The following ACOXL variants were observed in gnomAD, a reference collection of about 807,000 sequenced individuals.
ACOXL encodes acyl-coenzyme A oxidase-like protein.
Under a neutral mutation model 71.9 loss-of-function variants are expected in ACOXL, and 70 were observed. The ratio of observed to expected loss-of-function variants is 0.97; its 90% confidence interval spans 0.80 to 1.19. The LOEUF is 1.19. ACOXL is among the 50% of genes most tolerant of loss of function. The pLI, the probability that ACOXL is intolerant of heterozygous loss-of-function variation, is 0.00. For synonymous variants in ACOXL, 253 were observed against 281.6 expected, an observed-to-expected ratio of 0.90 and a Z score of 1.02; for missense variants, 703 against 736.3, an observed-to-expected ratio of 0.95 and a Z score of 0.52.
In ACOXL at chr2:110,952,205, A is replaced by G. The variant is rs1375402453; in HGVS notation, c.1059+18563A>G. Reference sequence around the variant, plus strand: ...TTTCTGTTCTTGAGTCTGTTTTGCTAATTTTTATTTTCCTAGTAATTTGTT... The same window carrying G: ...TTTCTGTTCTTGAGTCTGTTTTGCTGATTTTTATTTTCCTAGTAATTTGTT... On this transcript the variant is annotated intron_variant, in intron 12 of 17. Coordinates refer to ENST00000439055, the MANE Select transcript of ACOXL (RefSeq NM_001142807.4). Among the ~76,000 whole-genome samples, 4 of 152,058 alleles carry G rather than the reference A, an allele frequency of 2.6e-5. No homozygotes were observed. The East Asian group carries it at 7.7e-4, about 29-fold the overall frequency.
chr2:110,989,280 C>T (rs1051883836), intron 13 of ACOXL, among the ~76,000 whole-genome samples: 9 of 152,126 alleles, frequency 5.9e-5, no homozygotes, highest in African/African-American at 2.2e-4. Context: ...GTCTCTTTGA[C>T]ATTTATTAAA....
At chr2:110,761,153 G>C (rs1680355326) in intron 1 of ACOXL, among the ~76,000 whole-genome samples, 1 of 152,170 alleles carries the variant, frequency 6.6e-6, no homozygotes, top group African/African-American at 2.4e-5. Flanking sequence ...TGTGGTTGTT[G>C]CTTTCAAAGA....
intron 2 of ACOXL, among the ~76,000 whole-genome samples, chr2:110,776,289 T>C (rs934005725): frequency 2.0e-5 from 3 of 152,136 alleles, no homozygotes; most frequent in Non-Finnish European, 2.9e-5. Flanking sequence ...AGTTAGTGTT[T>C]AATGGGTGTA....
chr2:110,961,829 G>A (rs183789398), intron 12 of ACOXL, among the ~76,000 whole-genome samples: 139 of 152,284 alleles, frequency 9.1e-4, no homozygotes, highest in African/African-American at 3.2e-3. Flanking sequence ...AAGAGGGCAC[G>A]TGCAGGGGAA....
chr2:110,882,005 T>C (rs1696711348), intron 10 of ACOXL, among the ~76,000 whole-genome samples: 1 of 152,176 alleles, frequency 6.6e-6, no homozygotes, highest in African/African-American at 2.4e-5. Flanking sequence ...ATAGAATGGT[T>C]AGATCATGTA....
At position 110,841,723 on chromosome 2, in the gene ACOXL, C is replaced by T. The variant is rs1306961941; in HGVS notation, c.788+318C>T. On this transcript the variant is annotated intron_variant, in intron 10 of 17. Coordinates refer to ENST00000439055, the MANE Select transcript of ACOXL (RefSeq NM_001142807.4). ...AAAGAGTGCCTGAAAACGGGGATGC[C>T]CTGCATGAGAGGTGAGTCCCAGCAG... is the stretch of plus-strand genomic sequence containing the variant. Among the ~76,000 whole-genome samples the T allele has an allele frequency of 3.3e-5, 5 of 152,086 alleles. No homozygotes were observed. In the East Asian group the frequency reaches 7.7e-4, roughly 23 times the overall value.
At chr2:110,921,645 G>A (rs2060083308) in intron 11 of ACOXL, among the ~76,000 whole-genome samples, 1 of 151,640 alleles carries the variant, frequency 6.6e-6, no homozygotes, top group Non-Finnish European at 1.5e-5. Flanking sequence ...TGCCCGCCTT[G>A]GCCTCCCAAA....
intron 14 of ACOXL, among the ~76,000 whole-genome samples, chr2:111,000,127 A>G (rs1238969063): frequency 6.6e-6 from 1 of 152,196 alleles, no homozygotes; most frequent in Non-Finnish European, 1.5e-5. Flanking sequence ...CCTTGACGAA[A>G]TTATTACCAG....
intron 9 of ACOXL, among the ~76,000 whole-genome samples, chr2:110,812,969 C>T (rs1687521456): frequency 6.6e-6 from 1 of 152,150 alleles, no homozygotes; most frequent in African/African-American, 2.4e-5. Context: ...GAGTAACATG[C>T]CATACAGAGA....
chr2:110,817,719 T>A (rs1688079253), intron 9 of ACOXL, among the ~76,000 whole-genome samples: 1 of 152,170 alleles, frequency 6.6e-6, no homozygotes, highest in East Asian at 1.9e-4. Flanking sequence ...GCCTGATGAG[T>A]TGTGTTTTTC....
Position 110,903,261 on chromosome 2 carries a change from C to T in ACOXL, c.789-5528C>T, listed in dbSNP as rs186370045. On this transcript the variant is annotated intron_variant, in intron 10 of 17. Coordinates refer to ENST00000439055, the MANE Select transcript of ACOXL (RefSeq NM_001142807.4). ...AATGGCGCGGCCCCCCCAGAGGCTGCGCCTGCAGTAGCTGCCTTGGTGATT... is the reference window on the plus strand; with the variant it reads ...AATGGCGCGGCCCCCCCAGAGGCTGTGCCTGCAGTAGCTGCCTTGGTGATT... Among the ~76,000 whole-genome samples, 740 of 152,340 alleles carry T rather than the reference C, an allele frequency of 4.9e-3. 6 individuals are homozygous for T. The highest frequency in any genetic ancestry group is 0.017 in the African/African-American group (707 of 41,584).
intron 10 of ACOXL, among the ~76,000 whole-genome samples, chr2:110,869,802 C>A (rs1204572880): frequency 6.6e-6 from 1 of 152,252 alleles, no homozygotes; most frequent in Admixed American, 6.5e-5. Context: ...GTCCTCCTGG[C>A]CACAGAAGAC....
At chr2:110,859,597 CGGCAGCCGGCT>C (rs1693692970) in intron 10 of ACOXL, among the ~76,000 whole-genome samples, 1 of 152,158 alleles carries the variant, frequency 6.6e-6, no homozygotes, top group South Asian at 2.1e-4. Flanking sequence ...CTGCTGTTGA[CGGCAGCCGGCT>C]GCATGGAGAG....
intron 8 of ACOXL, 73 bp from the exon 9 acceptor site, chr2:110,805,190 G>A (rs1686479363): frequency 1.3e-6 from 2 of 1,586,408 alleles, no homozygotes; most frequent in East Asian, 4.5e-5. Flanking sequence ...TATGCACATG[G>A]GAGCCACCTG....
intron 16 of ACOXL, among the ~76,000 whole-genome samples, chr2:111,058,935 T>C (rs2066672762): frequency 6.6e-6 from 1 of 152,196 alleles, no homozygotes; most frequent in Admixed American, 6.5e-5. Context: ...TTATCTCTTC[T>C]AGAACTGTAA....
Position 110,955,293 on chromosome 2 carries a change from T to C in ACOXL, c.1059+21651T>C, listed in dbSNP as rs144210028. Among the ~76,000 whole-genome samples the C allele has an allele frequency of 9.9e-5, 15 of 152,128 alleles. No individual in the cohort carries two copies. In the East Asian group the frequency reaches 2.9e-3, roughly 30 times the overall value. ...ATTTTTTAATCTTCTGCTTGTCTTT[T>C]ATTTGCCCTTGTGTTTTGTGAGCAG... is the stretch of plus-strand genomic sequence containing the variant. On this transcript the variant is annotated intron_variant, in intron 12 of 17. Transcript: ENST00000439055.
At chr2:110,958,730 G>T (rs1402661948) in intron 12 of ACOXL, among the ~76,000 whole-genome samples, 2 of 152,202 alleles carry the variant, frequency 1.3e-5, no homozygotes, top group African/African-American at 4.8e-5. Context: ...TGCAGGTGTG[G>T]CAATTTCCCC....
rs72832879 is a variant in ACOXL, at chr2:110,870,044, C to A, written c.788+28639C>A. Among the ~76,000 whole-genome samples the A allele has an allele frequency of 6.3e-3, 961 of 152,380 alleles. 4 individuals are homozygous for A. The highest frequency in any genetic ancestry group is 0.011 in the Non-Finnish European group (760 of 68,036). On this transcript the variant is annotated intron_variant, in intron 10 of 17. Transcript: ENST00000439055. ...GTGATTCCTTCACAGCCTATTTAAA[C>A]CCATGGGGGAGTGGGGAGGGCGGAG...
At chr2:110,798,415 C>G (rs542894220) in intron 5 of ACOXL, among the ~76,000 whole-genome samples, 195 bp from the exon 6 acceptor site, 1 of 152,188 alleles carries the variant, frequency 6.6e-6, no homozygotes, top group African/African-American at 2.4e-5. Context: ...CGCCACCATG[C>G]CTGGCTAATT....
Sources: allele counts gnomAD v4.1 joint callset (sites outside exome capture counted in the v4.1 genomes callset), GRCh38; gene constraint gnomAD v4.1.1; transcripts MANE v1.5; gene names NCBI Gene and HGNC (gene_info 2026-07-23, HGNC 2026-07-21).